SLC4A4: variants seen among roughly 807,000 people sequenced by gnomAD.
SLC4A4 encodes electrogenic sodium bicarbonate cotransporter 1.
In SLC4A4, 27 loss-of-function variants were observed where a neutral mutation model predicts 111.5. The ratio of observed to expected loss-of-function variants is 0.24; its 90% CI spans 0.18 to 0.33. The LOEUF (loss-of-function observed/expected upper bound fraction) is 0.33. Ranked by LOEUF, SLC4A4 falls within the 10% of genes least tolerant of loss-of-function variation. SLC4A4 has a pLI of 1.00. For missense variants in SLC4A4, 909 were observed against 1,315.5 expected, an observed-to-expected ratio of 0.69 and a Z score of 4.78; for synonymous variants, 443 against 463.4, an observed-to-expected ratio of 0.96 and a Z score of 0.57.
chr4:71,346,776 G>A (rs1279357273), intron 4 of SLC4A4, among the ~76,000 whole-genome samples: 1 of 152,264 alleles, frequency 6.6e-6, no homozygotes, highest in South Asian at 2.1e-4. Context: ...AAATGGGAAA[G>A]CCAGTAGTTT....
chr4:71,199,562 A>G (rs913206079), intron 1 of SLC4A4, among the ~76,000 whole-genome samples: 2 of 152,230 alleles, frequency 1.3e-5, no homozygotes, highest in African/African-American at 2.4e-5. Flanking sequence ...GTCTGGTGCC[A>G]TGTATTCCTG....
At chr4:71,256,299 G>A (rs191129902) in intron 3 of SLC4A4, among the ~76,000 whole-genome samples, 82 of 152,256 alleles carry the variant, frequency 5.4e-4, no homozygotes, top group Non-Finnish European at 9.0e-4. Flanking sequence ...GATAAAGATC[G>A]GGTTCAGTCA....
intron 2 of SLC4A4, among the ~76,000 whole-genome samples, chr4:71,250,152 AT>A (rs907244353): frequency 2.6e-5 from 4 of 151,780 alleles, no homozygotes; most frequent in African/African-American, 9.7e-5. Flanking sequence ...ATAAAAAAAA[AT>A]AAATCTCTTA....
intron 1 of SLC4A4, among the ~76,000 whole-genome samples, chr4:71,091,055 C>T (rs963095996): frequency 1.3e-5 from 2 of 152,176 alleles, no homozygotes; most frequent in Non-Finnish European, 2.9e-5. Context: ...TCAAGTGATT[C>T]TCCTGCCTCA....
intron 7 of SLC4A4, among the ~76,000 whole-genome samples, chr4:71,439,391 G>A (rs1197662139): frequency 8.5e-6 from 1 of 117,146 alleles, no homozygotes; most frequent in African/African-American, 3.2e-5. Context: ...TCGCGCCACT[G>A]CACCACTGCA....
intron 7 of SLC4A4, among the ~76,000 whole-genome samples, chr4:71,438,855 T>C (rs1310303966): frequency 6.6e-6 from 1 of 152,180 alleles, no homozygotes; most frequent in Non-Finnish European, 1.5e-5. Context: ...TTAAACTACA[T>C]TTTCTTTAAG....
intron 2 of SLC4A4, among the ~76,000 whole-genome samples, chr4:71,114,276 C>A (rs1429954901): frequency 1.3e-5 from 2 of 151,914 alleles, no homozygotes; most frequent in Non-Finnish European, 2.9e-5. Flanking sequence ...TAGGCATGGG[C>A]AAGGACTTCA....
At chr4:71,333,606 G>A (rs544088656) in intron 3 of SLC4A4, among the ~76,000 whole-genome samples, 2 of 152,212 alleles carry the variant, frequency 1.3e-5, no homozygotes, top group Non-Finnish European at 1.5e-5. Flanking sequence ...CCAGGCTTGC[G>A]TCCTTCCCTT....
chr4:71,446,556 C>G (rs1007782055), intron 8 of SLC4A4, among the ~76,000 whole-genome samples: 4 of 152,184 alleles, frequency 2.6e-5, no homozygotes, highest in Non-Finnish European at 5.9e-5. Flanking sequence ...TTACTAGGCA[C>G]AGATCTTGGG....
intron 6 of SLC4A4, among the ~76,000 whole-genome samples, chr4:71,373,644 G>C (rs1732083464): frequency 6.6e-6 from 1 of 152,164 alleles, no homozygotes. Context: ...GAAGGTCTAT[G>C]AAAGTTTTTA....
At chr4:71,485,874 T>C (rs1452982628) in intron 14 of SLC4A4, among the ~76,000 whole-genome samples, 1 of 151,500 alleles carries the variant, frequency 6.6e-6, no homozygotes, top group Non-Finnish European at 1.5e-5. Flanking sequence ...CTGGGTAGAT[T>C]TTAGGGAAAA....
chr4:71,433,177 C>G (rs898018590), intron 7 of SLC4A4, among the ~76,000 whole-genome samples: 2 of 151,836 alleles, frequency 1.3e-5, no homozygotes, highest in Non-Finnish European at 2.9e-5. Flanking sequence ...TCCTCCCCCT[C>G]ACCATTAGCT....
chr4:71,357,102 A>C lies in SLC4A4; in HGVS notation c.645A>C (p.Gln215His). Residue 215 changes from glutamine to histidine, a missense_variant, in exon 6 of 26, where the codon CAA becomes CAC. Around this residue, in one of 7 missense-constraint regions of SLC4A4, gnomAD observed 312 missense variants for 402.0 expected, o/e 0.78. Transcript: ENST00000264485. ...TYTLLRKHRH[Q>H]TKKSNLRSLA... is the part of the protein sequence containing the mutation. ...CTTTGCTCCGGAAGCACCGGCATCA[A>C]ACCAAGAAATCCAACCTTCGGTCCC... The C allele has an allele frequency of 1.9e-6, 3 of 1,614,182 alleles. No individual in the cohort carries two copies. The highest frequency in any genetic ancestry group is 2.5e-6 in the Non-Finnish European group (3 of 1,180,030).
chr4:71,086,471 G>T (rs984358200), intron 1 of SLC4A4, among the ~76,000 whole-genome samples: 3 of 151,928 alleles, frequency 2.0e-5, no homozygotes, highest in Admixed American at 6.6e-5. Context: ...GAGGTCATCC[G>T]TGTCTTGTGC....
intron 14 of SLC4A4, among the ~76,000 whole-genome samples, chr4:71,473,486 T>A (rs1055739359): frequency 7.2e-5 from 11 of 151,926 alleles, no homozygotes; most frequent in Admixed American, 7.2e-4. Flanking sequence ...ACTGGTAGAA[T>A]TTTATAGTTT....
intron 6 of SLC4A4, among the ~76,000 whole-genome samples, chr4:71,394,649 A>G (rs185014798): frequency 3.3e-5 from 5 of 152,188 alleles, no homozygotes; most frequent in Admixed American, 1.3e-4. Context: ...AGCACAATTC[A>G]CAATTGCAGA....
At chr4:71,098,284 C>A (rs1377887306) in intron 2 of SLC4A4, among the ~76,000 whole-genome samples, 1 of 152,054 alleles carries the variant, frequency 6.6e-6, no homozygotes, top group East Asian at 1.9e-4. Flanking sequence ...AAATAGGTAG[C>A]CCTTTCCCCG....
intron 16 of SLC4A4, among the ~76,000 whole-genome samples, chr4:71,513,628 T>C: frequency 6.6e-6 from 1 of 152,170 alleles, no homozygotes; most frequent in Non-Finnish European, 1.5e-5. Context: ...TTTCTTTCTC[T>C]TACCTGGTTG....
In SLC4A4 at chr4:71,557,726, G is replaced by A. The variant is rs770919056; in HGVS notation, c.2778G>A (p.Leu926=). 1 of 1,612,690 alleles carries A rather than the reference G, an allele frequency of 6.2e-7. No homozygotes were observed. Among genetic ancestry groups the A allele is most frequent in the Admixed American group, 1.7e-5 (1 of 59,876 alleles). ...TTCCTCCCCAGTTCATGGATCGTCT[G>A]AAGCTGCTTCTGATGCCTCTGAAGC... ...SLNGVQFMDR[L]KLLLMPLKHQ... The change falls in exon 22 of 26, where the codon CTG becomes CTA. Residue 926 remains leucine, a synonymous_variant. Coordinates refer to ENST00000264485, the MANE Select transcript of SLC4A4 (RefSeq NM_001098484.3).
Sources: gnomAD v4.1 joint callset for allele counts (sites outside exome capture counted in the v4.1 genomes callset) on GRCh38, gnomAD v4.1.1 for gene constraint, gnomAD v4.1.1 regional missense constraint, MANE v1.5 for transcripts, NCBI Gene and HGNC (gene_info 2026-07-23, HGNC 2026-07-21) for gene names.